HERC2: variants seen among roughly 807,000 people sequenced by gnomAD.
HERC2 encodes HECT and RLD domain containing E3 ubiquitin protein ligase 2, also known as E3 ubiquitin-protein ligase HERC2.
Under a neutral mutation model 537.7 loss-of-function variants are expected in HERC2, and 102 were observed. The observed-to-expected ratio is 0.19, with a 90% CI of 0.16 to 0.22. The LOEUF is 0.22. Among genes scored for constraint, HERC2 ranks in the 10% least tolerant of loss-of-function variants. The pLI is 1.00. For synonymous variants in HERC2, 2,224 were observed against 2,466.2 expected (o/e 0.90, Z 2.91); for missense variants, 4,236 against 6,198.2 (o/e 0.68, Z 10.63).
chr15:28,191,067 A>G lies in HERC2; in HGVS notation c.8558-11T>C, dbSNP rs1896811469. 17 of 1,602,942 alleles carry G rather than the reference A, an allele frequency of 1.1e-5. No individual in the cohort carries two copies. The highest frequency in any genetic ancestry group is 1.5e-5 in the Non-Finnish European group (17 of 1,169,858). Reference sequence around the variant, plus strand: ...TCAGGGAATTTCCACCTAGGAAAAAATGGGTAAAGAATCAAACAAAGGCGT... The same window carrying G: ...TCAGGGAATTTCCACCTAGGAAAAAGTGGGTAAAGAATCAAACAAAGGCGT... On this transcript the variant is annotated splice_polypyrimidine_tract_variant and intron_variant, in intron 54 of 92. Transcript: ENST00000261609.
In HERC2 at chr15:28,116,705, G is replaced by T; in HGVS notation, c.13569C>A (p.Ala4523=). The change falls in exon 88 of 93, where the codon GCC becomes GCA. Residue 4523 remains alanine, a synonymous_variant. Coordinates refer to ENST00000261609, the MANE Select transcript of HERC2 (RefSeq NM_004667.6). ...ANRDCYLLSP[A]ARAPVHSSMF... is the part of the protein sequence containing the mutation. ...TGCTGCTGTGCACGGGTGCTCTGGCGGCCGGGCTGAGCAGGTAGCAGTCTC... is the reference window on the plus strand; with the variant it reads ...TGCTGCTGTGCACGGGTGCTCTGGCTGCCGGGCTGAGCAGGTAGCAGTCTC... 1 of 1,613,602 alleles carries T rather than the reference G, an allele frequency of 6.2e-7. No individual in the cohort carries two copies. Among genetic ancestry groups the T allele is most frequent in the South Asian group, 1.1e-5 (1 of 91,054 alleles).
chr15:28,309,060 CT>C (rs2076869548), intron 2 of HERC2, among the ~76,000 whole-genome samples: 1 of 152,222 alleles, frequency 6.6e-6, no homozygotes, highest in African/African-American at 2.4e-5. Flanking sequence ...TTTTTAATGA[CT>C]TATTTTGTGG....
rs1380272084 is a variant in HERC2, at chr15:28,223,150, A to C, written c.5465-935T>G. Among the ~76,000 whole-genome samples, 4 of 152,168 alleles carry C rather than the reference A, an allele frequency of 2.6e-5. No individual in the cohort carries two copies. In the East Asian group the frequency reaches 7.7e-4, roughly 29 times the overall value. ...TGGCTACAGAGTCATCCATAGCACA[A>C]AACAGAAGCCGAGCTGCTGTCACCT... is the stretch of plus-strand genomic sequence containing the variant. On this transcript the variant is annotated intron_variant, in intron 35 of 92. Coordinates refer to ENST00000261609, the MANE Select transcript of HERC2 (RefSeq NM_004667.6).
At chr15:28,257,361 T>C in intron 16 of HERC2, 100 bp from the exon 17 acceptor site, 1 of 935,112 alleles carries the variant, frequency 1.1e-6, no homozygotes, top group Non-Finnish European at 1.7e-6. Context: ...CCTTATACTA[T>C]TACCTATCAT....
chr15:28,225,647 G>A (rs1351920261), intron 35 of HERC2, among the ~76,000 whole-genome samples: 3 of 143,684 alleles, frequency 2.1e-5, no homozygotes, highest in Admixed American at 7.1e-5. Context: ...ACAGTGAGCC[G>A]AGACTGTGCC....
intron 86 of HERC2, among the ~76,000 whole-genome samples, chr15:28,118,988 C>T (rs1268096822): frequency 6.6e-6 from 1 of 152,192 alleles, no homozygotes; most frequent in Non-Finnish European, 1.5e-5. Context: ...AGGCCTGACA[C>T]CACGCACGGT....
At chr15:28,239,893 C>T (rs960346597) in intron 23 of HERC2, among the ~76,000 whole-genome samples, 45 of 152,158 alleles carry the variant, frequency 3.0e-4, no homozygotes, top group African/African-American at 9.4e-4. Flanking sequence ...ACTGAAAGCA[C>T]ATGTCAAGCA....
intron 14 of HERC2, among the ~76,000 whole-genome samples, chr15:28,263,623 G>C (rs1282888953): frequency 6.6e-6 from 1 of 152,154 alleles, no homozygotes; most frequent in Non-Finnish European, 1.5e-5. Flanking sequence ...AATTATGTAA[G>C]TTGATTAAAT....
In HERC2 at chr15:28,121,575, G is replaced by A. The variant is rs953199908; in HGVS notation, c.13189-146C>T. The A allele has an allele frequency of 2.3e-4, 159 of 701,376 alleles. 1 individual carries two copies. The highest frequency in any genetic ancestry group is 3.7e-4 in the Admixed American group (17 of 45,536). The allele number at this position is 701,376 out of a possible 1,614,324, so 43.4% of individuals were successfully genotyped here. A position where few individuals can be genotyped will look rare whatever the true frequency, so the allele number is the denominator to read the frequency against. ...CCAGTTCCCTTTTCTCAAGTTGTGA[G>A]GGTGCAGGGGAACAGGCTGGCCCCG... On this transcript the variant is annotated intron_variant, in intron 85 of 92. Coordinates refer to ENST00000261609, the MANE Select transcript of HERC2 (RefSeq NM_004667.6).
At position 28,212,539 on chromosome 15, in the gene HERC2, C is replaced by A. The variant is rs572097188; in HGVS notation, c.6831G>T (p.Glu2277Asp). The A allele has an allele frequency of 6.4e-7, 1 of 1,570,838 alleles. No homozygotes were observed. Among genetic ancestry groups the A allele is most frequent in the Admixed American group, 1.7e-5 (1 of 59,956 alleles). ...ACTGAGCCCAGACAGACAGCATGGG[C>A]TCTGTGAAGGGCAGGTTGTTCACAT... ...AFNVNNLPFT[E>D]PMLSVWAQLV... The change falls in exon 43 of 93, where the codon GAG (glutamate) becomes GAT (aspartate). Residue 2277 changes from glutamate to aspartate, a missense_variant. Glu to Asp is a conservative substitution (Grantham distance 45). Transcript: ENST00000261609.
chr15:28,183,776 G>T (rs893759630), intron 56 of HERC2, among the ~76,000 whole-genome samples: 3 of 152,026 alleles, frequency 2.0e-5, no homozygotes, highest in Non-Finnish European at 2.9e-5. Context: ...TTACTTTAAG[G>T]GTTCAAAATT....
rs1468421834 is a variant in HERC2, at chr15:28,265,681, G to T, written c.1807C>A (p.Leu603Met). 1 of 1,614,198 alleles carries T rather than the reference G, an allele frequency of 6.2e-7. No individual in the cohort carries two copies. Among genetic ancestry groups the T allele is most frequent in the African/African-American group, 1.3e-5 (1 of 75,064 alleles). Residue 603 changes from leucine to methionine, a missense_variant, in exon 14 of 93, where the codon CTG becomes ATG. Transcript: ENST00000261609. The surrounding 1 kb of genome is among the most constrained non-coding windows in gnomAD (Gnocchi z 4.0). ...CCACACGCCACATCGATGACCTTCA[G>T]TCCTTTAAGCCCGGCTACCAGCATC... Reference protein sequence around the residue: ...IPMLVAGLKGLKVIDVACGSG... With the variant: ...IPMLVAGLKGMKVIDVACGSG...
At chr15:28,116,222 CTTTTTTT>C (rs11365574) in intron 88 of HERC2, among the ~76,000 whole-genome samples, 15 of 126,514 alleles carry the variant, frequency 1.2e-4, no homozygotes, top group Admixed American at 2.4e-4. Flanking sequence ...TTTTCTTTTT[CTTTTTTT>C]TTTTTTTTTT....
chr15:28,316,649 G>A (rs981109846), intron 2 of HERC2, among the ~76,000 whole-genome samples: 3 of 152,144 alleles, frequency 2.0e-5, no homozygotes, highest in Admixed American at 6.5e-5. Context: ...TCCTAAAAAC[G>A]TCAATGAAGA....
chr15:28,200,842 T>C (rs972708267), intron 48 of HERC2, among the ~76,000 whole-genome samples: 3 of 142,386 alleles, frequency 2.1e-5, no homozygotes, highest in Non-Finnish European at 4.5e-5. Flanking sequence ...TGAAATGAGA[T>C]GATTTGGGGG....
At chr15:28,301,013 C>G (rs2076608910) in intron 2 of HERC2, among the ~76,000 whole-genome samples, 1 of 151,906 alleles carries the variant, frequency 6.6e-6, no homozygotes, top group African/African-American at 2.4e-5. Context: ...AGATTTTGGT[C>G]TCTCAGAACC....
chr15:28,262,296 C>G (rs2075435844), intron 15 of HERC2, among the ~76,000 whole-genome samples: 1 of 152,148 alleles, frequency 6.6e-6, no homozygotes, highest in Admixed American at 6.5e-5. Context: ...GCATAACATC[C>G]CTAGTAAGAA....
At chr15:28,231,948 A>C (rs952498953) in intron 30 of HERC2, among the ~76,000 whole-genome samples, 6 of 152,076 alleles carry the variant, frequency 3.9e-5, no homozygotes, top group African/African-American at 1.4e-4. Flanking sequence ...ATGAGATGGC[A>C]AATGTGGAGT....
Position 28,192,071 on chromosome 15 carries a change from T to A in HERC2, c.8341A>T (p.Ser2781Cys). The part of the protein sequence containing the change: ...HSSQPGMLLD[S>C]WSRMVKSLNV... ...AGGCTCTTCACCATGCGGGACCAGC[T>A]GTCCAGCAGCATGCCTGGCTGGCTG... Residue 2781 changes from serine (S) to cysteine (C), a missense_variant, in exon 53 of 93, where the codon AGC becomes TGC. Physicochemically the swap from Ser to Cys is moderately radical, Grantham distance 112. Around this residue, in one of 27 missense-constraint regions of HERC2, gnomAD observed 606 missense variants for 884.5 expected, o/e 0.69. Coordinates refer to ENST00000261609, the MANE Select transcript of HERC2 (RefSeq NM_004667.6). The A allele has an allele frequency of 1.2e-6, 2 of 1,614,050 alleles. No individual in the cohort carries two copies. The highest frequency in any genetic ancestry group is 1.6e-4 in the Middle Eastern group (1 of 6,062).
Sources: gnomAD v4.1 joint callset for allele counts (sites outside exome capture counted in the v4.1 genomes callset) on GRCh38, gnomAD v4.1.1 for gene constraint, gnomAD v4.1.1 regional missense constraint, Gnocchi (gnomAD v3.1) non-coding constraint, MANE v1.5 for transcripts, NCBI Gene and HGNC (gene_info 2026-07-23, HGNC 2026-07-21) for gene names.